The following SORT1 variants were observed in gnomAD, a reference collection of about 807,000 sequenced individuals.
The protein encoded by SORT1 is sortilin 1.
A neutral mutation model predicts 101.7 loss-of-function variants in SORT1; 39 were observed. The observed-to-expected ratio is 0.38, with a 90% confidence interval of 0.30 to 0.50. The LOEUF is 0.50. Among genes scored for constraint, SORT1 ranks in the 20% least tolerant of loss-of-function variants. The probability of loss-of-function intolerance (pLI) is 0.90; values close to 1 mark genes in which losing one functional copy is unlikely to be tolerated. For missense variants in SORT1, 878 were observed against 1,040.4 expected (o/e 0.84, Z 2.15); for synonymous variants, 396 against 393.7 (o/e 1.01, Z -0.07).
chr1:109,312,233 G>GT lies in SORT1; in HGVS notation c.*1809dup, dbSNP rs1658770175. The GT allele has an allele frequency of 2.0e-5, 3 of 152,346 alleles. No individual in the cohort carries two copies. Among genetic ancestry groups the GT allele is most frequent in the African/African-American group, 7.2e-5 (3 of 41,436 alleles). The allele number at this position is 152,346 out of a possible 1,614,324, so 9.4% of individuals were successfully genotyped here. On this transcript the variant is annotated 3_prime_UTR_variant, in exon 20 of 20. Coordinates refer to ENST00000256637, the MANE Select transcript of SORT1 (RefSeq NM_002959.7). ...CTGACGTTTTCATTTGTGAGCTGGT[G>GT]TATCTTCGGAATTATTTTTAATTTT...
intron 1 of SORT1, among the ~76,000 whole-genome samples, chr1:109,380,468 TA>T (rs1652150646): frequency 6.6e-6 from 1 of 151,982 alleles, no homozygotes; most frequent in Non-Finnish European, 1.5e-5. Flanking sequence ...AAAATATTTG[TA>T]ACATGACAAA....
chr1:109,390,854 A>G (rs916671383), intron 1 of SORT1, among the ~76,000 whole-genome samples: 11 of 152,066 alleles, frequency 7.2e-5, no homozygotes, highest in Non-Finnish European at 1.2e-4. Context: ...CAAAGCAAAC[A>G]TAAGACGGAT....
chr1:109,390,918 A>C (rs932403159), intron 1 of SORT1, among the ~76,000 whole-genome samples: 1 of 152,184 alleles, frequency 6.6e-6, no homozygotes, highest in Non-Finnish European at 1.5e-5. Flanking sequence ...GATAAAAATA[A>C]ATCAAGCCAA....
Position 109,326,572 on chromosome 1 carries a change from T to C in SORT1, c.1643+420A>G, listed in dbSNP as rs576793311. 7.3e-4 allele frequency among the ~76,000 whole-genome samples: 105 copies of C among 143,952 alleles called. 1 individual carries two copies. The highest frequency in any genetic ancestry group is 2.3e-3 in the African/African-American group (87 of 38,060). The allele number at this position is 143,952 out of a possible 152,430, so 94.4% of individuals were successfully genotyped here. Reference sequence around the variant, plus strand: ...ACACATATATATACACACACACACATACATATATACACACACACATATATA... The same window carrying C: ...ACACATATATATACACACACACACACACATATATACACACACACATATATA... On this transcript the variant is annotated intron_variant, in intron 13 of 19. Transcript: ENST00000256637.
chr1:109,363,228 CAA>C (rs1019293785), intron 3 of SORT1, among the ~76,000 whole-genome samples: 8 of 152,104 alleles, frequency 5.3e-5, no homozygotes, highest in African/African-American at 1.9e-4. Context: ...AAGTTGGACT[CAA>C]GACATCATAA....
intron 6 of SORT1, among the ~76,000 whole-genome samples, chr1:109,347,911 T>C (rs1649707144): frequency 1.3e-5 from 2 of 152,220 alleles, no homozygotes; most frequent in African/African-American, 4.8e-5. Context: ...CACAGGACGG[T>C]CCTCCACAAT....
chr1:109,348,857 G>A (rs559745282), intron 6 of SORT1, among the ~76,000 whole-genome samples: 4 of 151,950 alleles, frequency 2.6e-5, no homozygotes, highest in South Asian at 2.1e-4. Flanking sequence ...TAGTTCCAGC[G>A]ACTGGGAAGG....
At chr1:109,378,848 T>C (rs1390733550) in intron 1 of SORT1, among the ~76,000 whole-genome samples, 1 of 148,316 alleles carries the variant, frequency 6.7e-6, no homozygotes, top group East Asian at 2.0e-4. Flanking sequence ...TGGTAAACAA[T>C]AACTGGAGGC....
intron 3 of SORT1, among the ~76,000 whole-genome samples, chr1:109,356,360 G>A (rs1257935723): frequency 1.3e-5 from 2 of 152,196 alleles, no homozygotes; most frequent in Non-Finnish European, 2.9e-5. Flanking sequence ...TGAACACACA[G>A]TAAAGACTGC....
At chr1:109,371,613 C>T (rs1036343882) in intron 1 of SORT1, among the ~76,000 whole-genome samples, 2 of 152,158 alleles carry the variant, frequency 1.3e-5, no homozygotes, top group African/African-American at 2.4e-5. Flanking sequence ...TCTACACAGC[C>T]GACCCAGTCA....
At chr1:109,351,079 AT>A in intron 5 of SORT1, 77 bp from the exon 6 acceptor site, 1 of 973,380 alleles carries the variant, frequency 1.0e-6, no homozygotes, top group Non-Finnish European at 1.7e-6. Context: ...AATATTTCAT[AT>A]CCAATCATTC....
At chr1:109,339,684 C>T (rs1177688680) in intron 10 of SORT1, among the ~76,000 whole-genome samples, 1 of 152,104 alleles carries the variant, frequency 6.6e-6, no homozygotes, top group Non-Finnish European at 1.5e-5. Context: ...GTATTTCCTC[C>T]AAAAGAGAAA....
chr1:109,345,667 T>A, intron 8 of SORT1, 84 bp downstream of exon 8: 1 of 1,310,830 alleles, frequency 7.6e-7, no homozygotes, highest in Non-Finnish European at 1.1e-6. Flanking sequence ...CAAGAAACTC[T>A]GTCAATGCCA....
At chr1:109,355,180 C>T (rs1025580890) in intron 4 of SORT1, among the ~76,000 whole-genome samples, 187 bp downstream of exon 4, 15 of 152,188 alleles carry the variant, frequency 9.9e-5, no homozygotes, top group African/African-American at 3.1e-4. Flanking sequence ...GTGACGGTAT[C>T]ACTGCACTCC....
chr1:109,313,791 G>C lies in SORT1; in HGVS notation c.*252C>G. 1.9e-6 allele frequency: 1 copy of C among 532,996 alleles called. No homozygotes were observed. The highest frequency in any genetic ancestry group is 3.3e-6 in the Non-Finnish European group (1 of 303,916). 33.0% of individuals were successfully genotyped at this position (532,996 alleles called of 1,614,324 possible). ...AAAGCCCATACTTTGCAAAGAGACA[G>C]GACGAGAAATAAGAAGTTAAAGAAT... On this transcript the variant is annotated 3_prime_UTR_variant, in exon 20 of 20. Transcript: ENST00000256637.
intron 8 of SORT1, among the ~76,000 whole-genome samples, chr1:109,345,241 G>A (rs774989828): frequency 5.3e-5 from 8 of 152,306 alleles, no homozygotes; most frequent in South Asian, 4.1e-4. Flanking sequence ...CTGGCCGGGC[G>A]CGGTGGCTCA....
At chr1:109,351,078 T>C in intron 5 of SORT1, 76 bp from the exon 6 acceptor site, 1 of 973,118 alleles carries the variant, frequency 1.0e-6, no homozygotes, top group Non-Finnish European at 1.7e-6. Flanking sequence ...TAATATTTCA[T>C]ATCCAATCAT....
chr1:109,356,105 A>C (rs1387158898), intron 3 of SORT1, among the ~76,000 whole-genome samples: 2 of 152,106 alleles, frequency 1.3e-5, no homozygotes, highest in East Asian at 3.9e-4. Flanking sequence ...TCCCAAGCTC[A>C]AAGTGATCCG....
At chr1:109,322,206 G>A (rs1647681127) in intron 15 of SORT1, among the ~76,000 whole-genome samples, 1 of 151,914 alleles carries the variant, frequency 6.6e-6, no homozygotes, top group Non-Finnish European at 1.5e-5. Context: ...CCAAAGTGCT[G>A]GGATTACAGG....
Sources: gnomAD v4.1 joint callset for allele counts (sites outside exome capture counted in the v4.1 genomes callset) on GRCh38, gnomAD v4.1.1 for gene constraint, MANE v1.5 for transcripts, NCBI Gene and HGNC (gene_info 2026-07-23, HGNC 2026-07-21) for gene names.